The following STXBP4 variants were observed in gnomAD, a reference collection of about 807,000 sequenced individuals.
STXBP4 encodes the protein syntaxin-binding protein 4.
A neutral mutation model predicts 76.1 loss-of-function variants in STXBP4; 55 were observed. The observed-to-expected ratio is 0.72, with a 90% CI of 0.58 to 0.91. STXBP4 has a LOEUF of 0.91. STXBP4 is among the 40% of genes least tolerant of loss of function. The pLI is 0.00. For missense variants in STXBP4, 618 were observed against 636.9 expected (o/e 0.97, Z 0.32); for synonymous variants, 201 against 220.2 (o/e 0.91, Z 0.77).
intron 12 of STXBP4, among the ~76,000 whole-genome samples, chr17:55,070,672 A>G (rs1184903758): frequency 6.6e-6 from 1 of 151,618 alleles, no homozygotes; most frequent in Non-Finnish European, 1.5e-5. Context: ...CTTCCCCTTC[A>G]TGCCTGCCAT....
At chr17:55,080,160 A>G (rs1329538223) in intron 15 of STXBP4, among the ~76,000 whole-genome samples, 1 of 152,198 alleles carries the variant, frequency 6.6e-6, no homozygotes, top group Non-Finnish European at 1.5e-5. Context: ...TAAAAGCCAG[A>G]GCCTGCCCTT....
chr17:55,074,067 C>T (rs1282524483), intron 13 of STXBP4, among the ~76,000 whole-genome samples: 1 of 152,050 alleles, frequency 6.6e-6, no homozygotes, highest in Non-Finnish European at 1.5e-5. Flanking sequence ...AATAAATATT[C>T]ATACATTTGT....
intron 1 of STXBP4, among the ~76,000 whole-genome samples, chr17:54,970,049 T>C (rs1323756419): frequency 2.0e-5 from 3 of 152,076 alleles, no homozygotes; most frequent in African/African-American, 7.2e-5. Flanking sequence ...ACCTACTCAA[T>C]AACAATTCCA....
At chr17:55,023,487 T>TA (rs2078350968) in intron 8 of STXBP4, among the ~76,000 whole-genome samples, 1 of 152,184 alleles carries the variant, frequency 6.6e-6, no homozygotes, top group African/African-American at 2.4e-5. Flanking sequence ...CAAAGTTCAT[T>TA]ATACACTGCA....
intron 12 of STXBP4, among the ~76,000 whole-genome samples, chr17:55,063,206 T>C (rs538730867): frequency 7.9e-5 from 12 of 152,348 alleles, no homozygotes; most frequent in African/African-American, 2.4e-4. Context: ...TAAGCAAGCA[T>C]TGGCAAACAA....
intron 16 of STXBP4, among the ~76,000 whole-genome samples, chr17:55,101,829 T>C (rs978764782): frequency 1.8e-4 from 28 of 152,190 alleles, no homozygotes; most frequent in Non-Finnish European, 4.4e-5. Context: ...ATCTACAGAG[T>C]TGTATATAGT....
At chr17:55,156,028 G>A (rs893780105) in intron 17 of STXBP4, among the ~76,000 whole-genome samples, 1 of 152,078 alleles carries the variant, frequency 6.6e-6, no homozygotes, top group African/African-American at 2.4e-5. Context: ...TTATGCTTTT[G>A]AGATTTTCAA....
intron 7 of STXBP4, among the ~76,000 whole-genome samples, chr17:55,007,037 TA>T (rs2078021285): frequency 6.6e-6 from 1 of 152,012 alleles, no homozygotes; most frequent in Non-Finnish European, 1.5e-5. Context: ...AATTTAGACT[TA>T]AAAAAATTAT....
the STXBP4 span, among the ~76,000 whole-genome samples, chr17:55,204,118 C>G: frequency 6.6e-6 from 1 of 151,828 alleles, no homozygotes; most frequent in East Asian, 1.9e-4. Flanking sequence ...CCCTGTCCTT[C>G]TATTTTTAAT....
rs761007863 is a variant in STXBP4, at chr17:54,990,802, T to C, written c.48-23T>C. On this transcript the variant is annotated intron_variant, in intron 3 of 17. Coordinates refer to ENST00000376352, the MANE Select transcript of STXBP4 (RefSeq NM_178509.6). ...GTGCAGATCTCTAGACTAACCTGTG[T>C]GTGCTAATTTACTTTATCTTAGGGA... 14 of 1,581,324 alleles carry C rather than the reference T, an allele frequency of 8.9e-6. No individual in the cohort carries two copies. The South Asian group carries it at 1.7e-4, about 19-fold the overall frequency.
chr17:55,170,035 T>C lies in STXBP4; in HGVS notation c.*10124T>C, dbSNP rs2080397614. The C allele has an allele frequency of 6.6e-6, 1 of 152,230 alleles. No homozygotes were observed. The highest frequency in any genetic ancestry group is 2.1e-4 in the South Asian group (1 of 4,836). 9.4% of individuals were successfully genotyped at this position (152,230 alleles called of 1,614,324 possible). A position where few individuals can be genotyped will look rare whatever the true frequency, so the allele number is the denominator to read the frequency against. On this transcript the variant is annotated 3_prime_UTR_variant, in exon 18 of 18. Transcript: ENST00000376352. Reference sequence around the variant, plus strand: ...TATTTTTAAAACACAGTAATTATGTTAGTGCAGGTACATGACATAGATATC... The same window carrying C: ...TATTTTTAAAACACAGTAATTATGTCAGTGCAGGTACATGACATAGATATC...
intron 11 of STXBP4, chr17:55,044,047 G>T (rs968007850): frequency 6.3e-6 from 1 of 158,188 alleles, no homozygotes; most frequent in African/African-American, 2.4e-5. Flanking sequence ...TGTAGAGATG[G>T]TGTCTCACTA....
intron 16 of STXBP4, among the ~76,000 whole-genome samples, chr17:55,138,041 T>C (rs2080054692): frequency 6.6e-6 from 1 of 152,144 alleles, no homozygotes; most frequent in African/African-American, 2.4e-5. Context: ...TTGCCTATTT[T>C]GTTATTTGTT....
At chr17:55,110,333 T>C (rs1480743902) in intron 16 of STXBP4, among the ~76,000 whole-genome samples, 1 of 152,254 alleles carries the variant, frequency 6.6e-6, no homozygotes, top group Non-Finnish European at 1.5e-5. Context: ...AAAATAGTCA[T>C]AGTTTCCATG....
intron 10 of STXBP4, among the ~76,000 whole-genome samples, chr17:55,041,072 A>C (rs1006805414): frequency 4.6e-5 from 7 of 152,080 alleles, no homozygotes; most frequent in African/African-American, 1.7e-4. Flanking sequence ...TGGTTCTGTG[A>C]CTATTTTGCC....
intron 16 of STXBP4, among the ~76,000 whole-genome samples, chr17:55,104,305 T>C (rs1445287998): frequency 6.6e-6 from 1 of 152,210 alleles, no homozygotes; most frequent in Non-Finnish European, 1.5e-5. Flanking sequence ...GATCCATCAA[T>C]ACCTAGTTTA....
In STXBP4 at chr17:55,172,809, GA is replaced by G. The variant is rs1849694147; in HGVS notation, c.*12900del. On this transcript the variant is annotated 3_prime_UTR_variant, in exon 18 of 18. Transcript: ENST00000376352. ...GTAAACTGAAGGTCCCAAATCCTGG[GA>G]ACTCCCTCAGCTCTGGGCAAGCCAG... 1 of 152,182 alleles carries G rather than the reference GA, an allele frequency of 6.6e-6. No homozygotes were observed. Among genetic ancestry groups the G allele is most frequent in the African/African-American group, 2.4e-5 (1 of 41,442 alleles). The allele number at this position is 152,182 out of a possible 1,614,324, so 9.4% of individuals were successfully genotyped here. A position where few individuals can be genotyped will look rare whatever the true frequency, so the allele number is the denominator to read the frequency against.
the STXBP4 span, among the ~76,000 whole-genome samples, chr17:55,207,402 CT>C: frequency 6.6e-6 from 1 of 152,162 alleles, no homozygotes; most frequent in Non-Finnish European, 1.5e-5. Context: ...AATACCCCAG[CT>C]CAGCAGGTAT....
rs1468392008 is a variant in STXBP4, at chr17:55,169,368, T to TGGGGG, written c.*9458_*9462dup. On this transcript the variant is annotated 3_prime_UTR_variant, in exon 18 of 18. Coordinates refer to ENST00000376352, the MANE Select transcript of STXBP4 (RefSeq NM_178509.6). ...TGCACCATCAGTTATTGAATGGGGG[T>TGGGGG]GGGGGTGGGGGTGGGTGTAAATTTC... The TGGGGG allele has an allele frequency of 6.5e-5, 1 of 15,352 alleles. No homozygotes were observed. Among genetic ancestry groups the TGGGGG allele is most frequent in the Non-Finnish European group, 1.3e-4 (1 of 7,614 alleles). The allele number at this position is 15,352 out of a possible 1,614,324, so 1.0% of individuals were successfully genotyped here. A position where few individuals can be genotyped will look rare whatever the true frequency, so the allele number is the denominator to read the frequency against.
Sources: allele counts gnomAD v4.1 joint callset (sites outside exome capture counted in the v4.1 genomes callset), GRCh38; gene constraint gnomAD v4.1.1; transcripts MANE v1.5; gene names NCBI Gene and HGNC (gene_info 2026-07-23, HGNC 2026-07-21).